The following VKORC1L1 variants were observed in gnomAD, a reference collection of about 807,000 sequenced individuals.
VKORC1L1 encodes the protein vitamin K epoxide reductase complex subunit 1L1, also known as vitamin K epoxide reductase complex subunit 1-like protein 1.
In VKORC1L1, 2 loss-of-function variants were observed where a neutral mutation model predicts 18.9. The ratio of observed to expected loss-of-function variants is 0.11; its 90% CI spans 0.04 to 0.33. The LOEUF is 0.33. VKORC1L1 is among the 10% of genes least tolerant of loss of function. The pLI, the probability that VKORC1L1 is intolerant of heterozygous loss-of-function variation, is 1.00. For missense variants in VKORC1L1, 123 were observed against 224.1 expected (o/e 0.55, Z 2.88); for synonymous variants, 96 against 100.0 (o/e 0.96, Z 0.24).
chr7:65,889,174 ATTC>A (rs1266605894), intron 1 of VKORC1L1, among the ~76,000 whole-genome samples: 1 of 150,190 alleles, frequency 6.7e-6, no homozygotes, highest in African/African-American at 2.5e-5. Context: ...CCCTTCTGTC[ATTC>A]TTCTTTCCCT....
intron 1 of VKORC1L1, among the ~76,000 whole-genome samples, chr7:65,899,206 T>G (rs189460877): frequency 1.3e-5 from 2 of 152,328 alleles, no homozygotes; most frequent in Admixed American, 1.3e-4. Context: ...TTTGTCATCT[T>G]TGGGTGCCAC....
At chr7:65,881,580 T>C (rs897373161) in intron 1 of VKORC1L1, among the ~76,000 whole-genome samples, 7 of 152,142 alleles carry the variant, frequency 4.6e-5, no homozygotes, top group African/African-American at 1.7e-4. Flanking sequence ...GGTGTGATTA[T>C]ACAAAGCTGC....
chr7:65,874,901 T>C (rs1255169012), intron 1 of VKORC1L1, among the ~76,000 whole-genome samples: 1 of 152,234 alleles, frequency 6.6e-6, no homozygotes, highest in African/African-American at 2.4e-5. Flanking sequence ...CTCATAGTTA[T>C]ATCCTGCAAG....
At chr7:65,883,702 G>A (rs1202135769) in intron 1 of VKORC1L1, among the ~76,000 whole-genome samples, 1 of 151,808 alleles carries the variant, frequency 6.6e-6, no homozygotes, top group Non-Finnish European at 1.5e-5. Flanking sequence ...GTTTCACCAT[G>A]TTGGCCAGGC....
chr7:65,912,045 G>A (rs1789510714), intron 1 of VKORC1L1, among the ~76,000 whole-genome samples: 1 of 152,124 alleles, frequency 6.6e-6, no homozygotes, highest in Non-Finnish European at 1.5e-5. Context: ...GACTGATTGA[G>A]CCTGGGAAAC....
At chr7:65,875,226 A>G (rs1389680194) in intron 1 of VKORC1L1, among the ~76,000 whole-genome samples, 1 of 152,240 alleles carries the variant, frequency 6.6e-6, no homozygotes, top group Non-Finnish European at 1.5e-5. Context: ...CAAGTAGCTT[A>G]TAAACTACCC....
chr7:65,910,190 A>G (rs1429474082), intron 1 of VKORC1L1, among the ~76,000 whole-genome samples: 1 of 152,164 alleles, frequency 6.6e-6, no homozygotes, highest in Non-Finnish European at 1.5e-5. Context: ...TCTGTAATTC[A>G]AATTTCTCCT....
intron 1 of VKORC1L1, among the ~76,000 whole-genome samples, chr7:65,904,407 G>C (rs1789370306): frequency 6.6e-6 from 1 of 152,122 alleles, no homozygotes. Flanking sequence ...GTTTCACCAT[G>C]TTGGCCAGGC....
intron 1 of VKORC1L1, among the ~76,000 whole-genome samples, chr7:65,909,585 A>T (rs1237265135): frequency 8.0e-6 from 1 of 124,224 alleles, no homozygotes; most frequent in African/African-American, 3.0e-5. Flanking sequence ...TGTGGATCTC[A>T]TTGGTTGAAA....
chr7:65,911,052 A>G lies in VKORC1L1; in HGVS notation c.194+37487A>G, dbSNP rs530760045. ...ACACTTCACCATTAATTATGGCTACAATCCTGAACTCAGTATATGAGGGCT... is the reference window on the plus strand; with the variant it reads ...ACACTTCACCATTAATTATGGCTACGATCCTGAACTCAGTATATGAGGGCT... On this transcript the variant is annotated intron_variant, in intron 1 of 2. Coordinates refer to ENST00000360768, the MANE Select transcript of VKORC1L1 (RefSeq NM_173517.6). Among the ~76,000 whole-genome samples, 122 of 152,288 alleles carry G rather than the reference A, an allele frequency of 8.0e-4. 1 individual carries two copies. The South Asian group carries it at 0.013, about 16-fold the overall frequency.
chr7:65,956,761 T>G lies in VKORC1L1; in HGVS notation c.*2461T>G, dbSNP rs1790303527. ...CAGAAGAGGGGGGGAATCACCAGTG[T>G]TACAAAATTAGAAGATTGTTTTGCC... is the stretch of plus-strand genomic sequence containing the variant. On this transcript the variant is annotated 3_prime_UTR_variant, in exon 3 of 3. Transcript: ENST00000360768. The G allele has an allele frequency of 1.3e-5, 2 of 152,204 alleles. No individual in the cohort carries two copies. The highest frequency in any genetic ancestry group is 4.8e-5 in the African/African-American group (2 of 41,450). The allele number at this position is 152,204 out of a possible 1,614,324, so 9.4% of individuals were successfully genotyped here.
At chr7:65,954,024 C>T in intron 2 of VKORC1L1, 50 bp from the exon 3 acceptor site, 1 of 1,508,952 alleles carries the variant, frequency 6.6e-7, no homozygotes, top group Non-Finnish European at 9.0e-7. Context: ...ACTCAGAAAG[C>T]CTCTCTCCAG....
chr7:65,889,939 A>G (rs1263043565), intron 1 of VKORC1L1, among the ~76,000 whole-genome samples: 1 of 150,570 alleles, frequency 6.6e-6, no homozygotes, highest in African/African-American at 2.4e-5. Context: ...CACAATTGAT[A>G]TATTCATTCT....
chr7:65,953,248 T>C (rs968177837), intron 2 of VKORC1L1, among the ~76,000 whole-genome samples: 2 of 152,256 alleles, frequency 1.3e-5, no homozygotes, highest in African/African-American at 4.8e-5. Context: ...CAAGAGTTTC[T>C]TTTTCTCTCT....
At chr7:65,919,603 C>T (rs79362205) in intron 1 of VKORC1L1, among the ~76,000 whole-genome samples, 2,425 of 152,238 alleles carry the variant, frequency 0.016, 50 homozygotes, top group East Asian at 0.088. Context: ...CAAAATATAT[C>T]CTGGGCCTAA....
chr7:65,889,241 A>T (rs1436288626), intron 1 of VKORC1L1, among the ~76,000 whole-genome samples: 1 of 152,160 alleles, frequency 6.6e-6, no homozygotes, highest in African/African-American at 2.4e-5. Flanking sequence ...CAACATTTTT[A>T]TCTCTACCCC....
intron 1 of VKORC1L1, among the ~76,000 whole-genome samples, chr7:65,945,612 CAA>C (rs56868718): frequency 1.4e-5 from 2 of 145,906 alleles, no homozygotes; most frequent in Non-Finnish European, 3.0e-5. Context: ...GACTCCGTCT[CAA>C]AAAAAAAAGG....
chr7:65,866,122 A>AT, the VKORC1L1 span, among the ~76,000 whole-genome samples: 1 of 151,952 alleles, frequency 6.6e-6, no homozygotes, highest in Non-Finnish European at 1.5e-5. Flanking sequence ...TCAAAAAAAA[A>AT]ATTATTCCTG....
chr7:65,889,754 CCTAAACT>C, intron 1 of VKORC1L1, among the ~76,000 whole-genome samples: 1 of 152,226 alleles, frequency 6.6e-6, no homozygotes, highest in South Asian at 2.1e-4. Context: ...TAAGATCGCA[CCTAAACT>C]TAGTAGTTTA....
Sources: gnomAD v4.1 joint callset for allele counts (sites outside exome capture counted in the v4.1 genomes callset) on GRCh38, gnomAD v4.1.1 for gene constraint, MANE v1.5 for transcripts, NCBI Gene and HGNC (gene_info 2026-07-23, HGNC 2026-07-21) for gene names.